IL18: variants seen among roughly 807,000 people sequenced by gnomAD.
The protein encoded by IL18 is interleukin-18.
A neutral mutation model predicts 14.2 loss-of-function variants in IL18; 8 were observed. That is an observed-to-expected ratio of 0.56 (90% CI 0.33 to 1.01). IL18 has a LOEUF of 1.01. Among genes scored for constraint, IL18 ranks in the 50% least tolerant of loss-of-function variants. The probability of loss-of-function intolerance (pLI) is 0.03; values close to 1 mark genes in which losing one functional copy is unlikely to be tolerated. For synonymous variants in IL18, 67 were observed against 71.0 expected (o/e 0.94, Z 0.28); for missense variants, 166 against 231.1 (o/e 0.72, Z 1.83).
At chr11:112,163,415 G>T (rs1262017905) in intron 1 of IL18, among the ~76,000 whole-genome samples, 1 of 152,254 alleles carries the variant, frequency 6.6e-6, no homozygotes. Context: ...ATTCTAAGAC[G>T]TAATTTGTCT....
At chr11:112,150,471 A>T (rs543929094) in intron 3 of IL18, 1 of 294,710 alleles carries the variant, frequency 3.4e-6, no homozygotes, top group Non-Finnish European at 6.4e-6. Context: ...TAGTTTTCTT[A>T]CACTTTTACT....
intron 1 of IL18, among the ~76,000 whole-genome samples, chr11:112,160,846 G>A (rs1464752654): frequency 2.6e-5 from 4 of 152,046 alleles, no homozygotes; most frequent in Non-Finnish European, 5.9e-5. Flanking sequence ...TATTTCATGT[G>A]TTGATTTTGA....
chr11:112,146,394 C>T (rs1232173249), intron 5 of IL18, among the ~76,000 whole-genome samples: 2 of 152,126 alleles, frequency 1.3e-5, no homozygotes, highest in Admixed American at 6.5e-5. Context: ...GATCTCAGCT[C>T]ACTGCAGCCT....
chr11:112,157,649 C>A (rs1280745979), intron 1 of IL18, among the ~76,000 whole-genome samples: 1 of 152,034 alleles, frequency 6.6e-6, no homozygotes, highest in African/African-American at 2.4e-5. Flanking sequence ...GACTGTGCTA[C>A]CTTGAAAGAG....
intron 2 of IL18, among the ~76,000 whole-genome samples, chr11:112,154,746 A>C (rs1866503928): frequency 6.6e-6 from 1 of 152,182 alleles, no homozygotes; most frequent in Non-Finnish European, 1.5e-5. Context: ...TGCCAACTGG[A>C]GAGTGAGCTA....
intron 1 of IL18, among the ~76,000 whole-genome samples, chr11:112,159,532 C>T (rs1866594284): frequency 6.6e-6 from 1 of 152,134 alleles, no homozygotes; most frequent in Non-Finnish European, 1.5e-5. Context: ...GAAGGAGGAA[C>T]TGAGGATGAC....
intron 1 of IL18, among the ~76,000 whole-genome samples, chr11:112,157,879 C>T (rs920057814): frequency 1.3e-5 from 2 of 152,242 alleles, no homozygotes; most frequent in African/African-American, 4.8e-5. Flanking sequence ...TTTTTGGATA[C>T]AGAGTTTCGC....
chr11:112,154,114 T>G (rs529338050), intron 2 of IL18, among the ~76,000 whole-genome samples: 1 of 152,228 alleles, frequency 6.6e-6, no homozygotes, highest in African/African-American at 2.4e-5. Context: ...ACAGGATATT[T>G]TGCAGTTTTT....
At chr11:112,144,528 TA>T in intron 5 of IL18, among the ~76,000 whole-genome samples, 1 of 152,204 alleles carries the variant, frequency 6.6e-6, no homozygotes, top group East Asian at 1.9e-4. Context: ...ATTCCAGGTG[TA>T]AGCCACCATG....
At chr11:112,151,710 C>T (rs1377017559) in intron 3 of IL18, among the ~76,000 whole-genome samples, 1 of 152,178 alleles carries the variant, frequency 6.6e-6, no homozygotes, top group African/African-American at 2.4e-5. Context: ...CTGAGATCAC[C>T]AAACTCCTTG....
intron 3 of IL18, chr11:112,151,156 A>C (rs55691052): frequency 6.6e-6 from 1 of 152,330 alleles, no homozygotes; most frequent in African/African-American, 2.4e-5. Context: ...AACAAACTGG[A>C]AACAAACATT....
intron 1 of IL18, among the ~76,000 whole-genome samples, chr11:112,157,749 TG>T (rs1459336478): frequency 6.6e-6 from 1 of 151,784 alleles, no homozygotes; most frequent in East Asian, 1.9e-4. Flanking sequence ...CGAGAAAATA[TG>T]GGTTGTTTGA....
At chr11:112,156,154 G>A (rs1866526814) in intron 1 of IL18, among the ~76,000 whole-genome samples, 1 of 152,098 alleles carries the variant, frequency 6.6e-6, no homozygotes, top group Non-Finnish European at 1.5e-5. Context: ...ATAAATCTGT[G>A]CTCAAAATTT....
chr11:112,148,011 A>G (rs1866371761), intron 5 of IL18, among the ~76,000 whole-genome samples: 1 of 152,248 alleles, frequency 6.6e-6, no homozygotes, highest in East Asian at 1.9e-4. Flanking sequence ...AATACTTTAT[A>G]CCTGGCTTGA....
intron 5 of IL18, among the ~76,000 whole-genome samples, chr11:112,145,461 C>T (rs1393292608): frequency 3.9e-5 from 6 of 152,100 alleles, no homozygotes; most frequent in Non-Finnish European, 8.8e-5. Flanking sequence ...ACAGTTGAGC[C>T]GGGTGCGATG....
chr11:112,148,864 G>A, intron 4 of IL18, 128 bp from the exon 5 acceptor site: 1 of 486,856 alleles, frequency 2.1e-6, no homozygotes, highest in Non-Finnish European at 3.5e-6. Context: ...CAGTCTGCAG[G>A]AGACTATGTA....
intron 1 of IL18, among the ~76,000 whole-genome samples, chr11:112,159,091 G>C (rs2135323619): frequency 6.6e-6 from 1 of 152,244 alleles, no homozygotes; most frequent in Admixed American, 6.5e-5. Flanking sequence ...AGTGGCTCAT[G>C]CCTGTAATCC....
At chr11:112,154,692 G>T (rs773912694) in intron 2 of IL18, among the ~76,000 whole-genome samples, 5 of 152,164 alleles carry the variant, frequency 3.3e-5, no homozygotes, top group Non-Finnish European at 7.4e-5. Context: ...AATGAAAACT[G>T]GGATTTTCCC....
At chr11:112,160,285 C>T (rs984626499) in intron 1 of IL18, among the ~76,000 whole-genome samples, 6 of 146,104 alleles carry the variant, frequency 4.1e-5, no homozygotes, top group African/African-American at 1.5e-4. Flanking sequence ...ATTCTCTCTG[C>T]CAGGCCAGAA....
Sources: gnomAD v4.1 joint callset for allele counts (sites outside exome capture counted in the v4.1 genomes callset) on GRCh38, gnomAD v4.1.1 for gene constraint, MANE v1.5 for transcripts, NCBI Gene and HGNC (gene_info 2026-07-23, HGNC 2026-07-21) for gene names.